Variants in MYO3B observed in about 807,000 individuals in gnomAD.
MYO3B encodes the protein myosin-IIIb.
In MYO3B, 156 loss-of-function variants were observed where a neutral mutation model predicts 174.6. The ratio of observed to expected loss-of-function variants is 0.89; its 90% CI spans 0.78 to 1.02. The LOEUF (loss-of-function observed/expected upper bound fraction) is 1.02. MYO3B is among the 50% of genes least tolerant of loss of function. The pLI is 0.00. For missense variants in MYO3B, 1,632 were observed against 1,639.4 expected, an observed-to-expected ratio of 1.00 and a Z score of 0.08; for synonymous variants, 563 against 569.1, an observed-to-expected ratio of 0.99 and a Z score of 0.15.
chr2:170,359,663 C>G (rs16858214), intron 8 of MYO3B, among the ~76,000 whole-genome samples: 3 of 152,182 alleles, frequency 2.0e-5, no homozygotes, highest in African/African-American at 7.2e-5. Flanking sequence ...CTGTACCCTC[C>G]GCTTGGAATG....
At chr2:170,207,780 A>G (rs144564303) in intron 3 of MYO3B, among the ~76,000 whole-genome samples, 34 of 152,228 alleles carry the variant, frequency 2.2e-4, no homozygotes, top group Middle Eastern at 3.4e-3. Context: ...TCATCTAGAA[A>G]GAGGAGAGCA....
intron 22 of MYO3B, among the ~76,000 whole-genome samples, chr2:170,415,085 T>G (rs568997759): frequency 3.9e-5 from 6 of 152,350 alleles, no homozygotes; most frequent in South Asian, 2.1e-4. Context: ...CTTGCCTTAT[T>G]ATACTGGCTA....
Position 170,653,175 on chromosome 2 carries a change from A to G in MYO3B, c.*54A>G, listed in dbSNP as rs1333525089. ...AGAGTAGGAACATTCATGGTAATCG[A>G]CTGTCTGTCATTGCGTAAGAAAGCA... On this transcript the variant is annotated 3_prime_UTR_variant, in exon 35 of 35. Transcript: ENST00000408978. 3.1e-6 allele frequency: 5 copies of G among 1,606,032 alleles called. No individual in the cohort carries two copies. The highest frequency in any genetic ancestry group is 4.3e-6 in the Non-Finnish European group (5 of 1,173,570).
At chr2:170,517,918 G>A (rs891678360) in intron 29 of MYO3B, among the ~76,000 whole-genome samples, 14 of 151,910 alleles carry the variant, frequency 9.2e-5, no homozygotes, top group Non-Finnish European at 1.3e-4. Context: ...TCTAACAGGT[G>A]GTGGCTATTT....
chr2:170,371,515 CA>C (rs1316136701), intron 9 of MYO3B, among the ~76,000 whole-genome samples: 1 of 152,046 alleles, frequency 6.6e-6, no homozygotes, highest in East Asian at 1.9e-4. Flanking sequence ...AAAGGAAACA[CA>C]GTGCACGTAA....
chr2:170,219,535 T>C (rs2092868910), intron 6 of MYO3B, among the ~76,000 whole-genome samples: 1 of 151,954 alleles, frequency 6.6e-6, no homozygotes, highest in African/African-American at 2.4e-5. Context: ...TTCCAGCTAC[T>C]CTGGAGGTTG....
chr2:170,477,628 G>C (rs1051142804), intron 25 of MYO3B, among the ~76,000 whole-genome samples: 1 of 151,486 alleles, frequency 6.6e-6, no homozygotes, highest in Admixed American at 6.6e-5. Flanking sequence ...TTGACATTTT[G>C]GACCAGATAA....
chr2:170,522,947 A>T (rs1688775170), intron 30 of MYO3B, among the ~76,000 whole-genome samples: 1 of 151,738 alleles, frequency 6.6e-6, no homozygotes. Context: ...TTCATTAAGA[A>T]ACTCTTGTTA....
At chr2:170,345,956 C>T (rs531921972) in intron 8 of MYO3B, among the ~76,000 whole-genome samples, 5 of 151,940 alleles carry the variant, frequency 3.3e-5, no homozygotes, top group Admixed American at 6.6e-5. Context: ...ATAGCCCTGC[C>T]GACATCTTGA....
intron 32 of MYO3B, among the ~76,000 whole-genome samples, chr2:170,636,264 A>G (rs1697461868): frequency 6.6e-6 from 1 of 152,192 alleles, no homozygotes. Flanking sequence ...AAACAGGCCT[A>G]GAAATGTGAC....
At chr2:170,387,341 C>T in intron 14 of MYO3B, 33 bp downstream of exon 14, 2 of 1,596,468 alleles carry the variant, frequency 1.3e-6, no homozygotes, top group South Asian at 2.2e-5. Context: ...GTGTTTTTGC[C>T]CTGCAGTAAA....
At chr2:170,293,093 T>A (rs1033017691) in intron 7 of MYO3B, among the ~76,000 whole-genome samples, 7 of 152,042 alleles carry the variant, frequency 4.6e-5, no homozygotes, top group African/African-American at 1.7e-4. Flanking sequence ...TGACTTGGAG[T>A]TTTTTCACCT....
rs145403953 is a variant in MYO3B, at chr2:170,256,728, C to G, written c.749+20592C>G. On this transcript the variant is annotated intron_variant, in intron 7 of 34. Transcript: ENST00000408978. ...GTTATTAGCAACCAGCTAATAACAT[C>G]ATGACAGGATCAAAACCTCACATAA... Among the ~76,000 whole-genome samples the G allele has an allele frequency of 1.3e-3, 200 of 152,200 alleles. 1 individual carries two copies. In the Middle Eastern group the frequency reaches 0.02, roughly 16 times the overall value.
At chr2:170,244,053 G>A (rs2105316082) in intron 7 of MYO3B, among the ~76,000 whole-genome samples, 1 of 152,306 alleles carries the variant, frequency 6.6e-6, no homozygotes, top group Non-Finnish European at 1.5e-5. Context: ...TGTCTACAAC[G>A]AGTGGTGATG....
intron 7 of MYO3B, among the ~76,000 whole-genome samples, chr2:170,261,213 G>C (rs993208184): frequency 6.6e-6 from 1 of 152,058 alleles, no homozygotes; most frequent in South Asian, 2.1e-4. Context: ...TAGTAGAGAC[G>C]GGGTTTCTCC....
At chr2:170,568,291 C>T (rs535947195) in intron 32 of MYO3B, among the ~76,000 whole-genome samples, 6 of 152,234 alleles carry the variant, frequency 3.9e-5, no homozygotes, top group African/African-American at 1.4e-4. Context: ...ATGCACAATG[C>T]ATTTGGTAAT....
chr2:170,590,622 C>T (rs1416391911), intron 32 of MYO3B, among the ~76,000 whole-genome samples: 99 of 147,076 alleles, frequency 6.7e-4, no homozygotes, highest in Non-Finnish European at 2.5e-4. Context: ...CCTCAAAACT[C>T]TCTGAATCTA....
At chr2:170,525,510 A>G (rs935643908) in intron 30 of MYO3B, among the ~76,000 whole-genome samples, 3 of 152,212 alleles carry the variant, frequency 2.0e-5, no homozygotes, top group Non-Finnish European at 2.9e-5. Flanking sequence ...AGGAACTCAT[A>G]TGAAGAGGCA....
At chr2:170,225,178 G>A (rs2092938668) in intron 6 of MYO3B, among the ~76,000 whole-genome samples, 2 of 152,260 alleles carry the variant, frequency 1.3e-5, no homozygotes, top group Non-Finnish European at 2.9e-5. Flanking sequence ...TGAGTTGTGT[G>A]TATTAACTCA....
Sources: gnomAD v4.1 joint callset for allele counts (sites outside exome capture counted in the v4.1 genomes callset) on GRCh38, gnomAD v4.1.1 for gene constraint, MANE v1.5 for transcripts, NCBI Gene and HGNC (gene_info 2026-07-23, HGNC 2026-07-21) for gene names.